CNGB1: variants seen among roughly 807,000 people sequenced by gnomAD.
The protein encoded by CNGB1 is cyclic nucleotide gated channel subunit beta 1, also known as cyclic nucleotide-gated channel beta-1.
A neutral mutation model predicts 151.7 loss-of-function variants in CNGB1; 126 were observed. That is an observed-to-expected ratio of 0.83 (90% CI 0.72 to 0.96). CNGB1 has a LOEUF of 0.96. Ranked by LOEUF, CNGB1 falls within the 40% of genes least tolerant of loss-of-function variation. CNGB1 has a pLI of 0.00. For synonymous variants in CNGB1, 623 were observed against 635.1 expected (o/e 0.98, Z 0.29); for missense variants, 1,698 against 1,627.0 (o/e 1.04, Z -0.75).
At chr16:57,947,331 G>A (rs1277650276) in intron 14 of CNGB1, among the ~76,000 whole-genome samples, 2 of 152,330 alleles carry the variant, frequency 1.3e-5, no homozygotes, top group East Asian at 3.9e-4. Flanking sequence ...AGGTGTACAA[G>A]TTCAGCAAGG....
At chr16:57,951,522 G>A (rs1390741400) in intron 12 of CNGB1, among the ~76,000 whole-genome samples, 2 of 152,168 alleles carry the variant, frequency 1.3e-5, no homozygotes, top group Non-Finnish European at 2.9e-5. Flanking sequence ...TACCTGGGTA[G>A]TAGTAACAAT....
At chr16:57,963,787 T>C in intron 4 of CNGB1, 1 of 330,446 alleles carries the variant, frequency 3.0e-6, no homozygotes. Flanking sequence ...TTGGTCACAT[T>C]GCCCTGCCCT....
At chr16:57,965,862 C>T (rs183814862) in intron 2 of CNGB1, among the ~76,000 whole-genome samples, 2 of 152,296 alleles carry the variant, frequency 1.3e-5, no homozygotes, top group East Asian at 3.9e-4. Context: ...TGTTCACATA[C>T]ATTGTCATGT....
chr16:57,923,680 A>G (rs1961110358), intron 17 of CNGB1, among the ~76,000 whole-genome samples: 1 of 152,184 alleles, frequency 6.6e-6, no homozygotes, highest in South Asian at 2.1e-4. Context: ...GCAAATTACC[A>G]AAACATGCTG....
chr16:57,902,245 A>G (rs1373231258), intron 27 of CNGB1, among the ~76,000 whole-genome samples: 3 of 151,436 alleles, frequency 2.0e-5, no homozygotes, highest in Non-Finnish European at 4.4e-5. Flanking sequence ...AATTTTTTGT[A>G]TTTTTAGTAG....
chr16:57,887,173 A>G (rs765801052), intron 32 of CNGB1, among the ~76,000 whole-genome samples: 12 of 152,230 alleles, frequency 7.9e-5, no homozygotes, highest in South Asian at 2.1e-4. Context: ...AGTGTGAGCT[A>G]CCATGCCTGA....
intron 32 of CNGB1, among the ~76,000 whole-genome samples, chr16:57,885,270 T>C (rs1959882779): frequency 6.6e-6 from 1 of 152,172 alleles, no homozygotes; most frequent in African/African-American, 2.4e-5. Flanking sequence ...GAGTTTCAAG[T>C]GAGAGCAGTC....
intron 14 of CNGB1, among the ~76,000 whole-genome samples, chr16:57,941,977 G>A (rs1273625508): frequency 4.6e-5 from 7 of 152,052 alleles, no homozygotes; most frequent in East Asian, 3.9e-4. Context: ...TCAGCCTCCC[G>A]AGTAGCTGGG....
rs115773738 is a variant in CNGB1, at chr16:57,898,504, A to G, written c.2977-590T>C. Among the ~76,000 whole-genome samples the G allele has an allele frequency of 1.0e-2, 1,519 of 152,224 alleles. 29 individuals carry two copies. Among genetic ancestry groups the G allele is most frequent in the African/African-American group, 0.035 (1,442 of 41,540 alleles). On this transcript the variant is annotated intron_variant, in intron 29 of 32. Transcript: ENST00000251102. Reference sequence around the variant, plus strand: ...GCAATTCTTGTGCTTCAGCCTCCCAAACAGCTGCGATTACAGGCATCATGC... The same window carrying G: ...GCAATTCTTGTGCTTCAGCCTCCCAGACAGCTGCGATTACAGGCATCATGC...
rs186705037 is a variant in CNGB1 at position 57,966,042 on chromosome 16, G to T, written c.159+1086C>A. On this transcript the variant is annotated intron_variant, in intron 2 of 32. Transcript: ENST00000251102. ...CTTCTCTAGTAACAGCCTTTCCTCT[G>T]CCAGGAATGCCCAGCCTCTCCATCT... 1.8e-3 allele frequency among the ~76,000 whole-genome samples: 275 copies of T among 152,186 alleles called. 1 individual carries two copies. Among genetic ancestry groups the T allele is most frequent in the Middle Eastern group, 0.01 (3 of 294 alleles).
Position 57,901,603 on chromosome 16 carries a change from C to T in CNGB1, c.2817G>A (p.Gln939=), listed in dbSNP as rs1960393133. ...GMLDESELMV[Q]LPDKMRLDLA... ...GGTCCAGCCGCATCTTGTCTGGAAGCTGCACCATCAGCTCTGACTCATCTG... is the reference window on the plus strand; with the variant it reads ...GGTCCAGCCGCATCTTGTCTGGAAGTTGCACCATCAGCTCTGACTCATCTG... The change falls in exon 28 of 33, where the codon CAG becomes CAA. Residue 939 remains glutamine (Q), a synonymous_variant. Coordinates refer to ENST00000251102, the MANE Select transcript of CNGB1 (RefSeq NM_001297.5). 6.2e-7 allele frequency: 1 copy of T among 1,614,010 alleles called. No individual in the cohort carries two copies. Among genetic ancestry groups the T allele is most frequent in the Non-Finnish European group, 8.5e-7 (1 of 1,180,036 alleles).
chr16:57,924,392 G>T (rs1310241676), intron 17 of CNGB1, among the ~76,000 whole-genome samples: 2 of 152,188 alleles, frequency 1.3e-5, no homozygotes, highest in Non-Finnish European at 2.9e-5. Context: ...CACAAAGATT[G>T]TGTCTGGAGG....
rs1959815112 is a variant in CNGB1, at chr16:57,883,530, TC to T, written c.*633del. 2 of 161,032 alleles carry T rather than the reference TC, an allele frequency of 1.2e-5. No individual in the cohort carries two copies. The highest frequency in any genetic ancestry group is 1.2e-4 in the Admixed American group (2 of 16,094). The allele number at this position is 161,032 out of a possible 1,614,324, so 10.0% of individuals were successfully genotyped here. A position where few individuals can be genotyped will look rare whatever the true frequency, so the allele number is the denominator to read the frequency against. On this transcript the variant is annotated 3_prime_UTR_variant, in exon 33 of 33. Coordinates refer to ENST00000251102, the MANE Select transcript of CNGB1 (RefSeq NM_001297.5). ...CAAGCCATCCTCCTGCCTCAACCTC[TC>T]CAGTAGCTGGGACTACAGGTGCACA...
rs370932519 is a variant in CNGB1 at position 57,920,534 on chromosome 16, G to A, written c.1654C>T (p.Arg552Cys). ...TTPKDTDGQD[R>C]AASTASTNSA... ...TTTGTGCTGGCCGTGGAGGCCGCAC[G>A]GTCCTGGCCACTGTGGGAACATCAC... Residue 552 changes from arginine to cysteine, a missense_variant, in exon 19 of 33, where the codon CGT (arginine) becomes TGT (cysteine). Coordinates refer to ENST00000251102, the MANE Select transcript of CNGB1 (RefSeq NM_001297.5). 4.2e-5 allele frequency: 67 copies of A among 1,612,862 alleles called. No individual in the cohort carries two copies. Among genetic ancestry groups the A allele is most frequent in the African/African-American group, 2.3e-4 (17 of 75,050 alleles).
intron 9 of CNGB1, 25 bp downstream of exon 9, chr16:57,960,457 C>A (rs1162821556): frequency 1.2e-6 from 2 of 1,611,732 alleles, no homozygotes; most frequent in African/African-American, 2.7e-5. Flanking sequence ...CCAGGCAGCC[C>A]CCTCCCGAGC....
At position 57,901,251 on chromosome 16, in the gene CNGB1, T is replaced by A. The variant is rs74019716; in HGVS notation, c.2976+101A>T. Reference sequence around the variant, plus strand: ...ACGCTCTTCTCCCTCCCCAACAATCTCGCTCTGCCCTGGGCTGGCAGGCAC... The same window carrying A: ...ACGCTCTTCTCCCTCCCCAACAATCACGCTCTGCCCTGGGCTGGCAGGCAC... On this transcript the variant is annotated intron_variant, in intron 29 of 32. Transcript: ENST00000251102. 2.5e-3 allele frequency: 2,821 copies of A among 1,146,306 alleles called. 46 individuals carry two copies. The African/African-American group carries it at 0.036, about 15-fold the overall frequency. The allele number at this position is 1,146,306 out of a possible 1,614,324, so 71.0% of individuals were successfully genotyped here. A position where few individuals can be genotyped will look rare whatever the true frequency, so the allele number is the denominator to read the frequency against.
rs765541195 is a variant in CNGB1 at position 57,957,419 on chromosome 16, CT to C, written c.838-43del. On this transcript the variant is annotated intron_variant, in intron 11 of 32. Coordinates refer to ENST00000251102, the MANE Select transcript of CNGB1 (RefSeq NM_001297.5). ...AAAAGGGAAAATCCTGCCACGGCCT[CT>C]TCACCAGCCTCCCCGTTTCAGCCAC... 1.7e-5 allele frequency: 26 copies of C among 1,575,084 alleles called. No individual in the cohort carries two copies. The African/African-American group carries it at 3.5e-4, about 21-fold the overall frequency.
chr16:57,930,509 G>A (rs1299333449), intron 17 of CNGB1, among the ~76,000 whole-genome samples: 2 of 136,160 alleles, frequency 1.5e-5, no homozygotes, highest in East Asian at 2.4e-4. Flanking sequence ...AAGAAAGCAG[G>A]AGAGGGGAGG....
rs747370924 is a variant in CNGB1 at position 57,940,346 on chromosome 16, G to A, written c.1122-25C>T. The A allele has an allele frequency of 2.1e-5, 32 of 1,557,852 alleles. No homozygotes were observed. In the East Asian group the frequency reaches 7.4e-4, roughly 36 times the overall value. On this transcript the variant is annotated intron_variant, in intron 14 of 32. Transcript: ENST00000251102. ...CCTGTGACCCGGGGCGGGGTGGGGA[G>A]GATAAAAGGACTGGGTTAGGGTGTT... is the stretch of plus-strand genomic sequence containing the variant.
Sources: allele counts gnomAD v4.1 joint callset (sites outside exome capture counted in the v4.1 genomes callset), GRCh38; gene constraint gnomAD v4.1.1; transcripts MANE v1.5; gene names NCBI Gene and HGNC (gene_info 2026-07-23, HGNC 2026-07-21).